ASB5: variants seen among roughly 807,000 people sequenced by gnomAD.
ASB5 encodes ankyrin repeat and SOCS box containing 5.
Under a neutral mutation model 42.1 loss-of-function variants are expected in ASB5, and 45 were observed. The ratio of observed to expected loss-of-function variants is 1.07; its 90% CI spans 0.84 to 1.37. The LOEUF is 1.37. Among genes scored for constraint, ASB5 ranks in the 40% most tolerant of loss-of-function variants. The probability of loss-of-function intolerance (pLI) is 0.00; values close to 1 mark genes in which losing one functional copy is unlikely to be tolerated. For missense variants in ASB5, 402 were observed against 399.8 expected (o/e 1.01, Z -0.05); for synonymous variants, 147 against 150.6 (o/e 0.98, Z 0.18).
chr4:176,260,746 C>T (rs1051584621), intron 1 of ASB5, among the ~76,000 whole-genome samples: 1 of 152,174 alleles, frequency 6.6e-6, no homozygotes, highest in Non-Finnish European at 1.5e-5. Context: ...GGCGCAATCT[C>T]GGCTCACTGC....
At chr4:176,248,010 T>C (rs571939758) in intron 1 of ASB5, among the ~76,000 whole-genome samples, 1 of 152,306 alleles carries the variant, frequency 6.6e-6, no homozygotes, top group African/African-American at 2.4e-5. Context: ...GGCGAGCACA[T>C]TGCAAAGGAA....
chr4:176,275,365 T>C (rs1449146984), intron 2 of ASB5, among the ~76,000 whole-genome samples: 1 of 152,204 alleles, frequency 6.6e-6, no homozygotes, highest in African/African-American at 2.4e-5. Context: ...TCTAAGATTA[T>C]AGTTTCTTTA....
At chr4:176,256,203 A>T (rs1430279701) in intron 1 of ASB5, among the ~76,000 whole-genome samples, 1 of 152,204 alleles carries the variant, frequency 6.6e-6, no homozygotes, top group Admixed American at 6.5e-5. Flanking sequence ...TGAGATTCAC[A>T]CCTGCCTACA....
intron 1 of ASB5, among the ~76,000 whole-genome samples, chr4:176,226,134 G>A (rs1440813591): frequency 6.6e-6 from 1 of 152,148 alleles, no homozygotes; most frequent in African/African-American, 2.4e-5. Context: ...TGTCTGTGAG[G>A]GTGTTTCCAG....
intron 1 of ASB5, among the ~76,000 whole-genome samples, chr4:176,252,836 T>A (rs1161011430): frequency 1.3e-5 from 2 of 152,206 alleles, no homozygotes; most frequent in East Asian, 3.8e-4. Flanking sequence ...TCCTCTAAGA[T>A]CAATAACCTT....
intron 1 of ASB5, among the ~76,000 whole-genome samples, chr4:176,242,191 A>G (rs1205833898): frequency 6.6e-6 from 1 of 152,130 alleles, no homozygotes; most frequent in Non-Finnish European, 1.5e-5. Context: ...GAACAACACA[A>G]AAAAGGGAAA....
chr4:176,269,033 A>T lies in ASB5; in HGVS notation c.76T>A (p.Cys26Ser). 2 of 1,613,656 alleles carry T rather than the reference A, an allele frequency of 1.2e-6. No individual in the cohort carries two copies. Among genetic ancestry groups the T allele is most frequent in the South Asian group, 2.2e-5 (2 of 91,038 alleles). Reference sequence around the variant, plus strand: ...CTGATTTTCACAAAAAGCTTAAAACAGAACAGCGAAAGTATTGTAAAGTAG... The same window carrying T: ...CTGATTTTCACAAAAAGCTTAAAACTGAACAGCGAAAGTATTGTAAAGTAG... ...NVYFTILSLF[C>S]FKLFVKISLA... The change falls in exon 1 of 7, where the codon TGT (cysteine) becomes AGT (serine). Residue 26 changes from cysteine (C) to serine (S), a missense_variant. Physicochemically the swap from Cys to Ser is moderately radical, Grantham distance 112. Coordinates refer to ENST00000296525, the MANE Select transcript of ASB5 (RefSeq NM_080874.4).
At chr4:176,275,836 A>G (rs1754553053) in exon 2 of ASB5, 1 of 152,248 alleles carries the variant, frequency 6.6e-6, no homozygotes, top group Non-Finnish European at 1.5e-5. Context: ...GGAATTCAGC[A>G]TCTGGCTGAG....
intron 1 of ASB5, chr4:176,241,379 C>A: frequency 8.8e-7 from 1 of 1,139,902 alleles, no homozygotes; most frequent in Non-Finnish European, 1.2e-6. Flanking sequence ...ATGTTTACTC[C>A]AAAATTACTA....
chr4:176,258,662 TTTC>T (rs1754201445), intron 1 of ASB5, among the ~76,000 whole-genome samples: 1 of 152,192 alleles, frequency 6.6e-6, no homozygotes, highest in Admixed American at 6.5e-5. Flanking sequence ...CATAGTTTTT[TTTC>T]TTCTACTTAA....
At chr4:176,241,911 A>G (rs547629835) in intron 1 of ASB5, among the ~76,000 whole-genome samples, 1 of 152,244 alleles carries the variant, frequency 6.6e-6, no homozygotes, top group South Asian at 2.1e-4. Context: ...TCTGTCTATC[A>G]CCATCTTTGT....
chr4:176,272,381 C>A (rs187423471), upstream of ASB5, among the ~76,000 whole-genome samples: 16 of 152,198 alleles, frequency 1.1e-4, no homozygotes, highest in East Asian at 3.9e-4. Flanking sequence ...TTGAGTCTGG[C>A]CAGAAGAAGT....
At chr4:176,219,605 TATATATATATATAG>T (rs1753140832) in intron 5 of ASB5, among the ~76,000 whole-genome samples, 3 of 122,586 alleles carry the variant, frequency 2.4e-5, no homozygotes, top group African/African-American at 6.0e-5. Flanking sequence ...TATATATATA[TATATATATATATAG>T]GCTGGAGTAC....
At chr4:176,250,370 G>A (rs1754009993) in intron 1 of ASB5, among the ~76,000 whole-genome samples, 1 of 152,182 alleles carries the variant, frequency 6.6e-6, no homozygotes, top group Admixed American at 6.5e-5. Flanking sequence ...AAAAGTGGAC[G>A]TAGAAATCAT....
intron 5 of ASB5, among the ~76,000 whole-genome samples, chr4:176,219,687 C>G (rs1447167065): frequency 6.9e-6 from 1 of 145,378 alleles, no homozygotes; most frequent in African/African-American, 2.5e-5. Flanking sequence ...TTGCCTCAGC[C>G]TCTCGAGCAG....
intron 2 of ASB5, among the ~76,000 whole-genome samples, chr4:176,222,657 G>T (rs892414387): frequency 6.6e-6 from 1 of 152,058 alleles, no homozygotes; most frequent in Non-Finnish European, 1.5e-5. Flanking sequence ...TAAGTATTTG[G>T]TTCAATAGAT....
At chr4:176,226,042 G>C (rs1461509256) in intron 1 of ASB5, among the ~76,000 whole-genome samples, 2 of 152,212 alleles carry the variant, frequency 1.3e-5, no homozygotes, top group Admixed American at 6.5e-5. Flanking sequence ...ACAAGGGATG[G>C]ATTAGTGATG....
intron 1 of ASB5, among the ~76,000 whole-genome samples, chr4:176,234,637 C>A (rs4566604): frequency 0.5 from 75,284 of 151,994 alleles, 19,098 homozygotes; most frequent in East Asian, 0.7. Flanking sequence ...ATGTTTGTTG[C>A]ATGAATGAGT....
At chr4:176,225,842 G>C (rs935798401) in intron 1 of ASB5, among the ~76,000 whole-genome samples, 11 of 152,244 alleles carry the variant, frequency 7.2e-5, no homozygotes, top group African/African-American at 2.6e-4. Flanking sequence ...CACCTGCCTT[G>C]GTCTCCCAAA....
Sources: gnomAD v4.1 joint callset for allele counts (sites outside exome capture counted in the v4.1 genomes callset) on GRCh38, gnomAD v4.1.1 for gene constraint, MANE v1.5 for transcripts, NCBI Gene and HGNC (gene_info 2026-07-23, HGNC 2026-07-21) for gene names.